Variants in SPATA9 observed in about 807,000 individuals in gnomAD.
SPATA9 encodes the protein spermatogenesis associated 9.
SPATA9 carries 27 observed loss-of-function variants against 25.5 expected under a neutral mutation model. That is an observed-to-expected ratio of 1.06 (90% CI 0.78 to 1.46). The LOEUF (loss-of-function observed/expected upper bound fraction) is 1.46, where lower values mean the gene tolerates loss of function less well. Ranked by LOEUF, SPATA9 falls within the 40% of genes most tolerant of loss-of-function variation. SPATA9 has a pLI of 0.00. For missense variants in SPATA9, 282 were observed against 297.5 expected (o/e 0.95, Z 0.38); for synonymous variants, 102 against 105.7 (o/e 0.97, Z 0.21).
At chr5:95,719,445 T>C in the SPATA9 span, among the ~76,000 whole-genome samples, 3 of 152,160 alleles carry the variant, frequency 2.0e-5, no homozygotes, top group African/African-American at 4.8e-5. Flanking sequence ...GCTGGGCCTG[T>C]AATAAGGATA....
chr5:95,715,372 A>G, the SPATA9 span, among the ~76,000 whole-genome samples: 1 of 152,140 alleles, frequency 6.6e-6, no homozygotes, highest in Non-Finnish European at 1.5e-5. Flanking sequence ...AAGACAAGAC[A>G]TATTTTTCAA....
At chr5:95,666,561 G>A (rs1022566880) in intron 3 of SPATA9, among the ~76,000 whole-genome samples, 16 of 151,826 alleles carry the variant, frequency 1.1e-4, no homozygotes, top group Admixed American at 7.2e-4. Context: ...TATTAGAGAG[G>A]GAATATTAAT....
At chr5:95,711,239 A>G in the SPATA9 span, among the ~76,000 whole-genome samples, 1 of 152,148 alleles carries the variant, frequency 6.6e-6, no homozygotes, top group Admixed American at 6.5e-5. Context: ...GGAGGTCTCT[A>G]GCTTCCTCCT....
At chr5:95,681,236 C>T (rs372611314) in intron 2 of SPATA9, among the ~76,000 whole-genome samples, 3 of 152,262 alleles carry the variant, frequency 2.0e-5, no homozygotes, top group Admixed American at 6.5e-5. Context: ...ACCTCCACCC[C>T]GTTTTCTACT....
chr5:95,684,958 G>A (rs775888701), upstream of SPATA9, among the ~76,000 whole-genome samples: 13 of 152,222 alleles, frequency 8.5e-5, no homozygotes, highest in Non-Finnish European at 1.6e-4. Context: ...CAGAACTTTT[G>A]TTTTGCACAC....
intron 3 of SPATA9, chr5:95,674,624 GA>G: frequency 6.8e-6 from 2 of 295,428 alleles, no homozygotes; most frequent in South Asian, 5.8e-5. Context: ...AGTCAAGACA[GA>G]AAGCAGAACC....
At chr5:95,724,088 G>T in the SPATA9 span, among the ~76,000 whole-genome samples, 2 of 152,132 alleles carry the variant, frequency 1.3e-5, no homozygotes, top group East Asian at 1.9e-4. Flanking sequence ...TGTGAATAAA[G>T]CTTTACAGGG....
At chr5:95,675,729 T>A in intron 2 of SPATA9, 90 bp from the exon 3 acceptor site, 2 of 994,574 alleles carry the variant, frequency 2.0e-6, no homozygotes, top group African/African-American at 3.2e-5. Flanking sequence ...ACTATATAAC[T>A]ACATTGTGCA....
At chr5:95,686,701 T>TG (rs914711517), upstream of SPATA9, among the ~76,000 whole-genome samples, 8 of 152,172 alleles carry the variant, frequency 5.3e-5, no homozygotes, top group Middle Eastern at 3.4e-3. Flanking sequence ...AGGACCCTCC[T>TG]GGGGGGGTAA....
intron 3 of SPATA9, 27 bp from the exon 4 acceptor site, chr5:95,664,075 A>G (rs1163070063): frequency 7.4e-7 from 1 of 1,348,958 alleles, no homozygotes. Flanking sequence ...GATTTTCTTA[A>G]TAAACAAACA....
chr5:95,731,993 C>T, the SPATA9 span: 2 of 1,614,160 alleles, frequency 1.2e-6, no homozygotes, highest in African/African-American at 1.3e-5. Flanking sequence ...TTGCTGAACG[C>T]GGCCAGCACG....
At chr5:95,693,774 T>C (rs1753947137) in intron 1 of SPATA9, among the ~76,000 whole-genome samples, 1 of 152,230 alleles carries the variant, frequency 6.6e-6, no homozygotes, top group Non-Finnish European at 1.5e-5. Flanking sequence ...CTTTTTTGGA[T>C]CTTAACAATC....
the SPATA9 span, among the ~76,000 whole-genome samples, chr5:95,725,734 T>C: frequency 6.6e-6 from 1 of 152,320 alleles, no homozygotes; most frequent in East Asian, 1.9e-4. Context: ...TTTGTTAGAA[T>C]AAATTGCATA....
chr5:95,679,321 T>C (rs1156900868), intron 2 of SPATA9, among the ~76,000 whole-genome samples: 1 of 152,220 alleles, frequency 6.6e-6, no homozygotes, highest in Non-Finnish European at 1.5e-5. Flanking sequence ...ACCAGGCATG[T>C]ACATCTGCCC....
chr5:95,698,338 A>T (rs1421937951), intron 1 of SPATA9, among the ~76,000 whole-genome samples: 1 of 152,202 alleles, frequency 6.6e-6, no homozygotes, highest in East Asian at 1.9e-4. Context: ...AGTTCACAGC[A>T]AGCTGTGGAC....
the SPATA9 span, among the ~76,000 whole-genome samples, chr5:95,713,107 A>G: frequency 2.6e-5 from 4 of 152,180 alleles, no homozygotes. Flanking sequence ...AATTTGTTTT[A>G]GTTGGTTTTC....
chr5:95,664,932 T>C (rs1751620889), intron 3 of SPATA9, among the ~76,000 whole-genome samples: 1 of 152,122 alleles, frequency 6.6e-6, no homozygotes, highest in African/African-American at 2.4e-5. Flanking sequence ...TTGAAAAAAC[T>C]AAAACAATGA....
chr5:95,712,731 G>A, the SPATA9 span, among the ~76,000 whole-genome samples: 2 of 152,136 alleles, frequency 1.3e-5, no homozygotes. Flanking sequence ...TCATGGAGCC[G>A]ATAAAAGCCA....
the SPATA9 span, among the ~76,000 whole-genome samples, chr5:95,721,010 G>A: frequency 2.0e-5 from 3 of 152,184 alleles, no homozygotes; most frequent in Non-Finnish European, 2.9e-5. Flanking sequence ...TAAAAGAAAA[G>A]TCACAGTCTA....
Sources: allele counts gnomAD v4.1 joint callset (sites outside exome capture counted in the v4.1 genomes callset), GRCh38; gene constraint gnomAD v4.1.1; transcripts MANE v1.5; gene names NCBI Gene and HGNC (gene_info 2026-07-23, HGNC 2026-07-21).